The following NCK2 variants were observed in gnomAD, a reference collection of about 807,000 sequenced individuals.
NCK2 encodes cytoplasmic protein NCK2.
In NCK2, 16 loss-of-function variants were observed where a neutral mutation model predicts 33.9. That is an observed-to-expected ratio of 0.47 (90% CI 0.32 to 0.72). The LOEUF (loss-of-function observed/expected upper bound fraction) is 0.72. Ranked by LOEUF, NCK2 falls within the 30% of genes least tolerant of loss-of-function variation. The pLI, the probability that NCK2 is intolerant of heterozygous loss-of-function variation, is 0.03. For synonymous variants in NCK2, 273 were observed against 239.9 expected (o/e 1.14, Z -1.27); for missense variants, 418 against 537.3 (o/e 0.78, Z 2.19).
chr2:105,806,836 TA>T (rs35823954), intron 1 of NCK2, among the ~76,000 whole-genome samples: 35,342 of 151,418 alleles, frequency 0.23, 4,316 homozygotes, highest in South Asian at 0.33. Flanking sequence ...TTTACAAAAT[TA>T]AAAAAAAACC....
chr2:105,809,926 G>A (rs1287829774), intron 1 of NCK2, among the ~76,000 whole-genome samples: 1 of 152,196 alleles, frequency 6.6e-6, no homozygotes, highest in Admixed American at 6.5e-5. Context: ...CTGAGGGGGA[G>A]AGGGCAGGCA....
chr2:105,848,968 T>C (rs963994176), intron 2 of NCK2, among the ~76,000 whole-genome samples: 7 of 152,236 alleles, frequency 4.6e-5, no homozygotes, highest in African/African-American at 1.7e-4. Context: ...TATTTGCACA[T>C]AGACAAATAT....
chr2:105,864,400 C>T (rs1408876385), intron 3 of NCK2, among the ~76,000 whole-genome samples: 1 of 151,994 alleles, frequency 6.6e-6, no homozygotes, highest in Non-Finnish European at 1.5e-5. Flanking sequence ...GGGAACACCT[C>T]GGAGAAGTAT....
chr2:105,858,465 T>A (rs1677380198), intron 3 of NCK2, among the ~76,000 whole-genome samples: 1 of 152,190 alleles, frequency 6.6e-6, no homozygotes, highest in African/African-American at 2.4e-5. Context: ...CCTGGGCTGA[T>A]CTTTAACTCC....
At chr2:105,873,345 AG>A (rs1402519124) in intron 3 of NCK2, among the ~76,000 whole-genome samples, 1 of 152,106 alleles carries the variant, frequency 6.6e-6, no homozygotes, top group Admixed American at 6.5e-5. Flanking sequence ...CAGAAAATCG[AG>A]GTTACATCAT....
At chr2:105,855,453 GA>G (rs561897989) in intron 3 of NCK2, 164 bp downstream of exon 3, 20 of 601,516 alleles carry the variant, frequency 3.3e-5, no homozygotes, top group African/African-American at 7.4e-5. Context: ...TGAAGATGGA[GA>G]AAGAGGATGT....
chr2:105,867,262 C>T (rs1397195216), intron 3 of NCK2, among the ~76,000 whole-genome samples: 1 of 152,168 alleles, frequency 6.6e-6, no homozygotes, highest in Non-Finnish European at 1.5e-5. Context: ...TTCACGTTTA[C>T]TTTTCATGTC....
intron 3 of NCK2, among the ~76,000 whole-genome samples, chr2:105,877,951 G>A (rs1678304453): frequency 6.6e-6 from 1 of 152,156 alleles, no homozygotes; most frequent in African/African-American, 2.4e-5. Context: ...ACATAGTAAA[G>A]TCAGGTCCCT....
intron 2 of NCK2, among the ~76,000 whole-genome samples, chr2:105,832,868 C>T (rs1269750914): frequency 7.5e-5 from 11 of 146,920 alleles, no homozygotes; most frequent in South Asian, 2.2e-4. Flanking sequence ...TATTTTGTTT[C>T]GTTTCGTTTT....
chr2:105,857,909 C>CT (rs1183682034), intron 3 of NCK2, among the ~76,000 whole-genome samples: 1 of 152,200 alleles, frequency 6.6e-6, no homozygotes, highest in Non-Finnish European at 1.5e-5. Context: ...GCAGTAACTT[C>CT]TGTGCACTTC....
intron 3 of NCK2, among the ~76,000 whole-genome samples, chr2:105,857,803 C>T (rs1304990663): frequency 6.6e-6 from 1 of 152,088 alleles, no homozygotes; most frequent in African/African-American, 2.4e-5. Context: ...TTTTGTTGGA[C>T]AAAGGGATGT....
intron 1 of NCK2, among the ~76,000 whole-genome samples, chr2:105,791,543 G>A (rs1019087994): frequency 2.0e-5 from 3 of 152,160 alleles, no homozygotes; most frequent in African/African-American, 4.8e-5. Flanking sequence ...TATTTGTTCC[G>A]TGTATTACAG....
At position 105,856,344 on chromosome 2, in the gene NCK2, C is replaced by T. The variant is rs142611354; in HGVS notation, c.226+1055C>T. ...CTGACATTTAAAACGTTGTTACCTT[C>T]TTATGAGTATAATGTTGTCTGTATC... On this transcript the variant is annotated intron_variant, in intron 3 of 4. Transcript: ENST00000233154. 7.2e-3 allele frequency among the ~76,000 whole-genome samples: 1,100 copies of T among 152,282 alleles called. 1 individual carries two copies. The highest frequency in any genetic ancestry group is 0.014 in the South Asian group (68 of 4,832).
At chr2:105,766,812 A>T (rs1689963607) in intron 1 of NCK2, among the ~76,000 whole-genome samples, 1 of 152,228 alleles carries the variant, frequency 6.6e-6, no homozygotes, top group Admixed American at 6.5e-5. Context: ...CGTTCCCTCC[A>T]AACTATTTCC....
At chr2:105,842,436 G>A (rs1278953139) in intron 2 of NCK2, among the ~76,000 whole-genome samples, 2 of 151,728 alleles carry the variant, frequency 1.3e-5, no homozygotes, top group South Asian at 2.1e-4. Context: ...AGGAAAGTTT[G>A]TAACATTTTT....
chr2:105,756,492 G>T (rs954801821), intron 1 of NCK2, among the ~76,000 whole-genome samples: 2 of 152,184 alleles, frequency 1.3e-5, no homozygotes, highest in Non-Finnish European at 2.9e-5. Flanking sequence ...TGTATCATTT[G>T]ATTCTAACTT....
chr2:105,829,040 A>G (rs1479366462), intron 2 of NCK2, among the ~76,000 whole-genome samples: 2 of 152,206 alleles, frequency 1.3e-5, no homozygotes, highest in Admixed American at 6.5e-5. Flanking sequence ...GGGCATAGCC[A>G]TGCTGACTGG....
chr2:105,849,665 G>A (rs1362810443), intron 2 of NCK2, among the ~76,000 whole-genome samples: 3 of 152,156 alleles, frequency 2.0e-5, no homozygotes, highest in Non-Finnish European at 4.4e-5. Flanking sequence ...CTAGGAGAGT[G>A]ACACTTTGAT....
intron 1 of NCK2, among the ~76,000 whole-genome samples, chr2:105,764,757 C>T (rs997990367): frequency 1.3e-5 from 2 of 152,208 alleles, no homozygotes; most frequent in Admixed American, 6.5e-5. Flanking sequence ...TCTCACCATC[C>T]TGAAAGAGAA....
Sources: allele counts gnomAD v4.1 joint callset (sites outside exome capture counted in the v4.1 genomes callset), GRCh38; gene constraint gnomAD v4.1.1; transcripts MANE v1.5; gene names NCBI Gene and HGNC (gene_info 2026-07-23, HGNC 2026-07-21).